Variants in UBAP2L observed in about 807,000 individuals in gnomAD.
UBAP2L encodes the protein ubiquitin associated protein 2 like.
In UBAP2L, 12 loss-of-function variants were observed where a neutral mutation model predicts 130.6. That is an observed-to-expected ratio of 0.09 (90% CI 0.06 to 0.15). The LOEUF is 0.15. Among genes scored for constraint, UBAP2L ranks in the 10% least tolerant of loss-of-function variants. The pLI, the probability that UBAP2L is intolerant of heterozygous loss-of-function variation, is 1.00. For synonymous variants in UBAP2L, 503 were observed against 524.7 expected (o/e 0.96, Z 0.57); for missense variants, 965 against 1,332.5 (o/e 0.72, Z 4.29).
intron 11 of UBAP2L, among the ~76,000 whole-genome samples, chr1:154,247,972 T>TA (rs1405617026): frequency 6.0e-5 from 9 of 150,140 alleles, no homozygotes; most frequent in Admixed American, 4.7e-4. Context: ...TTATTTATTT[T>TA]TTATTTTTTT....
In UBAP2L at chr1:154,237,115, T is replaced by C. The variant is rs770563723; in HGVS notation, c.682T>C (p.Phe228Leu). 6 of 1,613,980 alleles carry C rather than the reference T, an allele frequency of 3.7e-6. No homozygotes were observed. In the African/African-American group the frequency reaches 8.0e-5, roughly 22 times the overall value. ...SGNTWNNTGH[F>L]EPDDGTSAWR... ...CAATACGTGGAACAACACTGGCCAC[T>C]TTGAACCAGATGATGGGACGAGTGA... Residue 228 changes from phenylalanine (F) to leucine (L), a missense_variant, in exon 8 of 27, where the codon TTT becomes CTT. Phe to Leu is a conservative substitution (Grantham distance 22). Around this residue, in one of 9 missense-constraint regions of UBAP2L, gnomAD observed 109 missense variants for 146.6 expected, o/e 0.74. Transcript: ENST00000428931.
intron 5 of UBAP2L, 135 bp from the exon 6 acceptor site, chr1:154,235,061 C>A (rs1278726310): frequency 3.0e-6 from 2 of 658,900 alleles, no homozygotes; most frequent in Non-Finnish European, 2.7e-6. Context: ...ATTTTCTCTT[C>A]GTTGTTTTTT....
chr1:154,265,173 T>C (rs1205889360), intron 24 of UBAP2L, among the ~76,000 whole-genome samples: 1 of 152,224 alleles, frequency 6.6e-6, no homozygotes, highest in Non-Finnish European at 1.5e-5. Flanking sequence ...GTTTTCCAGA[T>C]TAAGATACCA....
At chr1:154,252,996 C>T (rs1180314416) in intron 14 of UBAP2L, among the ~76,000 whole-genome samples, 2 of 152,012 alleles carry the variant, frequency 1.3e-5, no homozygotes, top group African/African-American at 2.4e-5. Flanking sequence ...TCCTGTATAC[C>T]GACATTTAGC....
chr1:154,220,507 T>TC (rs1354280478), upstream of UBAP2L: 1 of 1,350,116 alleles, frequency 7.4e-7, no homozygotes, highest in Non-Finnish European at 1.1e-6. Context: ...CCCCTGGAGC[T>TC]CCCCGGCCAT....
intron 22 of UBAP2L, 137 bp downstream of exon 22, chr1:154,260,166 A>G (rs1386321902): frequency 5.5e-6 from 5 of 910,810 alleles, no homozygotes; most frequent in African/African-American, 3.3e-5. Flanking sequence ...TGGGCATGTC[A>G]TGGCTTTTCC....
intron 1 of UBAP2L, among the ~76,000 whole-genome samples, chr1:154,223,824 C>T (rs1230464425): frequency 6.6e-6 from 1 of 152,212 alleles, no homozygotes; most frequent in East Asian, 1.9e-4. Context: ...ATAGTTAATC[C>T]TTGCATATTT....
At chr1:154,266,476 T>G in intron 24 of UBAP2L, 25 bp from the exon 25 acceptor site, 1 of 1,612,834 alleles carries the variant, frequency 6.2e-7, no homozygotes, top group East Asian at 2.2e-5. Flanking sequence ...GAGCTAATCC[T>G]CCTGTCTGTT....
rs1684109207 is a variant in UBAP2L at position 154,268,901 on chromosome 1, C to A, written c.3115C>A (p.His1039Asn). ...PAPFMHILTP[H>N]QQPHSQILHH... Reference sequence around the variant, plus strand: ...CCCCTTTATGCACATTCTGACCCCCCATCAGCAGCCGCATTCTCAGATCCT... The same window carrying A: ...CCCCTTTATGCACATTCTGACCCCCAATCAGCAGCCGCATTCTCAGATCCT... The change falls in exon 26 of 27, where the codon CAT (histidine) becomes AAT (asparagine). Residue 1039 changes from histidine (H) to asparagine (N), a missense_variant. Physicochemically the swap from His to Asn is moderately conservative, Grantham distance 68. Transcript: ENST00000428931. 1.2e-6 allele frequency: 2 copies of A among 1,613,846 alleles called. No individual in the cohort carries two copies. Among genetic ancestry groups the A allele is most frequent in the Non-Finnish European group, 1.7e-6 (2 of 1,179,970 alleles).
rs1675467023 is a variant in UBAP2L, at chr1:154,246,341, C to T, written c.980C>T (p.Pro327Leu). The change falls in exon 11 of 27, where the codon CCT becomes CTT. Residue 327 changes from proline to leucine, a missense_variant. Coordinates refer to ENST00000428931, the MANE Select transcript of UBAP2L (RefSeq NM_014847.4). The stretch of plus-strand genomic sequence containing the variant: ...TCGAAGCAGACTGCCATATCACAGC[C>T]TGCTTCAGGGAACACATTTTCTCAT... ...SNSKQTAISQ[P>L]ASGNTFSHHS... 3 of 1,613,230 alleles carry T rather than the reference C, an allele frequency of 1.9e-6. No individual in the cohort carries two copies. The highest frequency in any genetic ancestry group is 1.1e-5 in the South Asian group (1 of 91,062).
At chr1:154,260,472 C>T (rs955717422) in intron 22 of UBAP2L, among the ~76,000 whole-genome samples, 43 of 152,248 alleles carry the variant, frequency 2.8e-4, no homozygotes, top group Admixed American at 2.7e-3. Flanking sequence ...AATCTCACTG[C>T]CTTGCCACTC....
intron 11 of UBAP2L, among the ~76,000 whole-genome samples, chr1:154,247,795 G>T (rs1220099766): frequency 1.3e-5 from 2 of 151,726 alleles, no homozygotes; most frequent in African/African-American, 4.8e-5. Context: ...TTTTTTTGTT[G>T]CCTGTACTAA....
Position 154,234,627 on chromosome 1 carries a change from T to C in UBAP2L, c.316T>C (p.Ser106Pro). Reference protein sequence around the residue: ...WEMVGKKKGVSGQKDGGQTES... With the variant: ...WEMVGKKKGVPGQKDGGQTES... ...GATGGTCGGGAAGAAGAAGGGAGTC[T>C]CAGGCCAGAAGGATGGTGGCCAGAC... is the stretch of plus-strand genomic sequence containing the variant. The change falls in exon 5 of 27, where the codon TCA (serine) becomes CCA (proline). Residue 106 changes from serine (S) to proline (P), a missense_variant. This residue lies in a region of UBAP2L where 109 missense variants were observed against 146.6 expected (regional missense o/e 0.74). Coordinates refer to ENST00000428931, the MANE Select transcript of UBAP2L (RefSeq NM_014847.4). 1 of 1,614,056 alleles carries C rather than the reference T, an allele frequency of 6.2e-7. No individual in the cohort carries two copies. Among genetic ancestry groups the C allele is most frequent in the Non-Finnish European group, 8.5e-7 (1 of 1,179,988 alleles).
chr1:154,220,363 C>T, upstream of UBAP2L: 1 of 1,614,254 alleles, frequency 6.2e-7, no homozygotes, highest in South Asian at 1.1e-5. Flanking sequence ...AGGCCATCAC[C>T]AGCACGACAT....
chr1:154,253,817 CTAG>C, intron 14 of UBAP2L, 80 bp from the exon 15 acceptor site: 1 of 1,366,040 alleles, frequency 7.3e-7, no homozygotes, highest in African/African-American at 1.5e-5. Context: ...AGTTATTCCA[CTAG>C]TAGATCTCCA....
intron 4 of UBAP2L, among the ~76,000 whole-genome samples, chr1:154,234,322 C>T (rs964831754): frequency 3.3e-5 from 5 of 151,932 alleles, no homozygotes; most frequent in Admixed American, 6.6e-5. Flanking sequence ...AAGATCACAC[C>T]ACTGCACTCC....
At position 154,268,871 on chromosome 1, in the gene UBAP2L, C is replaced by T. The variant is rs908742437; in HGVS notation, c.3085C>T (p.Pro1029Ser). The T allele has an allele frequency of 2.8e-5, 45 of 1,614,026 alleles. No individual in the cohort carries two copies. Among genetic ancestry groups the T allele is most frequent in the Non-Finnish European group, 3.8e-5 (45 of 1,180,042 alleles). The change falls in exon 26 of 27, where the codon CCT becomes TCT. Residue 1029 changes from proline to serine, a missense_variant. By Grantham distance (74) the Pro-to-Ser change is moderately conservative. This residue lies in a region of UBAP2L where 194 missense variants were observed against 334.0 expected (regional missense o/e 0.58). Coordinates refer to ENST00000428931, the MANE Select transcript of UBAP2L (RefSeq NM_014847.4). The part of the protein sequence containing the change: ...INPATAAAYP[P>S]APFMHILTPH... ...TCCGGCCACAGCTGCTGCCTACCCA[C>T]CTGCCCCCTTTATGCACATTCTGAC...
chr1:154,252,801 T>C (rs1678220410), intron 14 of UBAP2L, among the ~76,000 whole-genome samples: 2 of 152,174 alleles, frequency 1.3e-5, no homozygotes. Flanking sequence ...GGAGATGATC[T>C]GCCCACCTTG....
intron 24 of UBAP2L, chr1:154,263,420 C>T (rs1682250970): frequency 8.1e-7 from 1 of 1,231,068 alleles, no homozygotes; most frequent in Admixed American, 4.3e-5. Flanking sequence ...CCTGCTGTTG[C>T]TTTTGATTTC....
Sources: allele counts gnomAD v4.1 joint callset (sites outside exome capture counted in the v4.1 genomes callset), GRCh38; gene constraint gnomAD v4.1.1; regional missense constraint gnomAD v4.1.1; transcripts MANE v1.5; gene names NCBI Gene and HGNC (gene_info 2026-07-23, HGNC 2026-07-21).